The following GMPR variants were observed in gnomAD, a reference collection of about 807,000 sequenced individuals.
GMPR encodes GMP reductase 1.
A neutral mutation model predicts 38.4 loss-of-function variants in GMPR; 31 were observed. The ratio of observed to expected loss-of-function variants is 0.81; its 90% CI spans 0.61 to 1.09. The LOEUF is 1.09. Among genes scored for constraint, GMPR ranks in the 50% least tolerant of loss-of-function variants. The pLI is 0.00. For missense variants in GMPR, 468 were observed against 453.7 expected, an observed-to-expected ratio of 1.03 and a Z score of -0.29; for synonymous variants, 162 against 173.3, an observed-to-expected ratio of 0.93 and a Z score of 0.51.
intron 4 of GMPR, among the ~76,000 whole-genome samples, chr6:16,265,599 G>T (rs570361692): frequency 4.8e-5 from 7 of 145,488 alleles, no homozygotes; most frequent in African/African-American, 1.7e-4. Flanking sequence ...TCAGCACTCT[G>T]TAAAAATAGC....
At chr6:16,272,138 G>A (rs1303056128) in intron 4 of GMPR, among the ~76,000 whole-genome samples, 1 of 152,186 alleles carries the variant, frequency 6.6e-6, no homozygotes, top group Non-Finnish European at 1.5e-5. Flanking sequence ...CTTGAACCCT[G>A]GAGGCAGAGG....
chr6:16,246,744 G>T, intron 1 of GMPR, 98 bp from the exon 2 acceptor site: 1 of 1,179,210 alleles, frequency 8.5e-7, no homozygotes, highest in Non-Finnish European at 1.2e-6. Flanking sequence ...CCTTTGTCTT[G>T]TTCCTACTCG....
intron 7 of GMPR, 189 bp from the exon 8 acceptor site, chr6:16,290,273 C>CT (rs2113347845): frequency 1.5e-6 from 1 of 653,416 alleles, no homozygotes; most frequent in Non-Finnish European, 2.8e-6. Flanking sequence ...GTCCCATGGC[C>CT]CTTTCTCCCT....
At chr6:16,253,213 T>C (rs980865585) in intron 3 of GMPR, among the ~76,000 whole-genome samples, 2 of 152,204 alleles carry the variant, frequency 1.3e-5, no homozygotes, top group African/African-American at 4.8e-5. Flanking sequence ...GGCTTGTTTG[T>C]TTTCACACCT....
At chr6:16,277,557 G>C (rs560558101) in intron 5 of GMPR, among the ~76,000 whole-genome samples, 1 of 152,174 alleles carries the variant, frequency 6.6e-6, no homozygotes, top group Non-Finnish European at 1.5e-5. Context: ...ATTCATTCTT[G>C]AGTCCACACA....
chr6:16,285,851 G>T lies in GMPR; in HGVS notation c.697+16G>T, dbSNP rs541182283. On this transcript the variant is annotated intron_variant, in intron 7 of 8. Transcript: ENST00000259727. ...AAAGCCTTTGGTAAGGCCGGGCCCT[G>T]GTGCAGAGGGAGGGAAGGAAGGAAG... 5 of 1,601,178 alleles carry T rather than the reference G, an allele frequency of 3.1e-6. No individual in the cohort carries two copies. In the African/African-American group the frequency reaches 6.7e-5, roughly 21 times the overall value.
chr6:16,246,931 C>T lies in GMPR; in HGVS notation c.177C>T (p.Gly59=). The part of the protein sequence containing the change: ...PIIVANMDTV[G]TFEMAAVMSQ... The stretch of plus-strand genomic sequence containing the variant: ...TCGTGGCCAACATGGACACTGTGGG[C>T]ACGTTTGAGATGGCAGCCGTGATGT... Residue 59 remains glycine (G), a synonymous_variant, in exon 2 of 9, where the codon GGC becomes GGT. Transcript: ENST00000259727. 1 of 1,613,854 alleles carries T rather than the reference C, an allele frequency of 6.2e-7. No individual in the cohort carries two copies. The highest frequency in any genetic ancestry group is 8.5e-7 in the Non-Finnish European group (1 of 1,179,798).
chr6:16,267,063 C>T (rs562962649), intron 4 of GMPR, among the ~76,000 whole-genome samples: 1 of 151,460 alleles, frequency 6.6e-6, no homozygotes, highest in South Asian at 2.1e-4. Context: ...GGACGTGCCA[C>T]CTTTAAGAGC....
At chr6:16,267,530 C>G (rs916758602) in intron 4 of GMPR, among the ~76,000 whole-genome samples, 2 of 152,188 alleles carry the variant, frequency 1.3e-5, no homozygotes, top group Non-Finnish European at 2.9e-5. Flanking sequence ...CTCCTGAAGT[C>G]AGCAAGACCA....
intron 4 of GMPR, among the ~76,000 whole-genome samples, chr6:16,257,552 T>C (rs745531009): frequency 2.0e-5 from 3 of 152,178 alleles, no homozygotes; most frequent in Non-Finnish European, 4.4e-5. Flanking sequence ...TCCAGCTGGT[T>C]GTATCGCTGT....
chr6:16,259,542 G>A (rs1050589547), intron 4 of GMPR, among the ~76,000 whole-genome samples: 3 of 151,892 alleles, frequency 2.0e-5, no homozygotes, highest in African/African-American at 7.2e-5. Context: ...TCTCAGGGCT[G>A]CTTCGAGTGG....
At chr6:16,250,412 A>T (rs1266688163) in intron 3 of GMPR, 45 bp downstream of exon 3, 5 of 1,070,548 alleles carry the variant, frequency 4.7e-6, no homozygotes, top group East Asian at 2.4e-5. Flanking sequence ...TGCAGGGGGG[A>T]ACAAAATCTT....
At chr6:16,264,197 C>A (rs1469323345) in intron 4 of GMPR, 1 of 152,562 alleles carries the variant, frequency 6.6e-6, no homozygotes, top group Non-Finnish European at 1.5e-5. Context: ...GTGGATAAAA[C>A]GTGTCTCCTT....
chr6:16,284,451 C>T (rs912296438), intron 6 of GMPR, among the ~76,000 whole-genome samples: 7 of 152,258 alleles, frequency 4.6e-5, no homozygotes, highest in Middle Eastern at 3.4e-3. Flanking sequence ...TCTATTCCTT[C>T]CCAAAGTGGG....
intron 2 of GMPR, among the ~76,000 whole-genome samples, chr6:16,247,535 C>T (rs1389506453): frequency 1.3e-5 from 2 of 152,134 alleles, no homozygotes; most frequent in Non-Finnish European, 2.9e-5. Context: ...CCACCATGCC[C>T]AGCTAATTTT....
chr6:16,245,836 T>C (rs1437505354), intron 1 of GMPR, among the ~76,000 whole-genome samples: 1 of 152,168 alleles, frequency 6.6e-6, no homozygotes, highest in Non-Finnish European at 1.5e-5. Context: ...TACGCAGGCC[T>C]CTCTGGTCGG....
intron 5 of GMPR, among the ~76,000 whole-genome samples, chr6:16,277,738 C>T (rs1759499289): frequency 6.6e-6 from 1 of 152,178 alleles, no homozygotes; most frequent in South Asian, 2.1e-4. Context: ...TGATGAACAA[C>T]TCCCCTGGGG....
chr6:16,260,243 G>A (rs552265720), intron 4 of GMPR, among the ~76,000 whole-genome samples: 2 of 151,982 alleles, frequency 1.3e-5, no homozygotes, highest in Non-Finnish European at 2.9e-5. Flanking sequence ...ACTGAGGACC[G>A]TAAGGGATAT....
rs545681020 is a variant in GMPR at position 16,255,762 on chromosome 6, C to T, written c.465+1027C>T. Among the ~76,000 whole-genome samples the T allele has an allele frequency of 5.0e-4, 76 of 152,310 alleles. 1 individual carries two copies. In the South Asian group the frequency reaches 5.6e-3, roughly 11 times the overall value. ...TGACCACTAGATAATTTACCTACCCCTTCCTTTTTTGAATTTTGAACTTCG... is the reference window on the plus strand; with the variant it reads ...TGACCACTAGATAATTTACCTACCCTTTCCTTTTTTGAATTTTGAACTTCG... On this transcript the variant is annotated intron_variant, in intron 4 of 8. Transcript: ENST00000259727.
Sources: gnomAD v4.1 joint callset for allele counts (sites outside exome capture counted in the v4.1 genomes callset) on GRCh38, gnomAD v4.1.1 for gene constraint, MANE v1.5 for transcripts, NCBI Gene and HGNC (gene_info 2026-07-23, HGNC 2026-07-21) for gene names.